TACC1: variants seen among roughly 807,000 people sequenced by gnomAD.
TACC1 encodes transforming acidic coiled-coil containing protein 1.
In TACC1, 48 loss-of-function variants were observed where a neutral mutation model predicts 84.4. The ratio of observed to expected loss-of-function variants is 0.57; its 90% confidence interval spans 0.45 to 0.72. The LOEUF (loss-of-function observed/expected upper bound fraction) is 0.72. Among genes scored for constraint, TACC1 ranks in the 30% least tolerant of loss-of-function variants. The probability of loss-of-function intolerance (pLI) is 0.00; values close to 1 mark genes in which losing one functional copy is unlikely to be tolerated. For synonymous variants in TACC1, 372 were observed against 376.3 expected (o/e 0.99, Z 0.13); for missense variants, 920 against 973.0 (o/e 0.95, Z 0.72).
chr8:38,833,980 A>G (rs529024423), intron 6 of TACC1, among the ~76,000 whole-genome samples: 29 of 152,384 alleles, frequency 1.9e-4, no homozygotes, highest in African/African-American at 6.3e-4. Context: ...CTTGATAAGA[A>G]ACAAGGCACA....
At chr8:38,829,242 A>G (rs1163478114) in intron 5 of TACC1, among the ~76,000 whole-genome samples, 1 of 152,200 alleles carries the variant, frequency 6.6e-6, no homozygotes, top group African/African-American at 2.4e-5. Context: ...AAGCAGATGG[A>G]AAGTCAGGAC....
In TACC1 at chr8:38,852,021, TG is replaced by T. The variant is rs1481955155; in HGVS notation, c.*3999del. On this transcript the variant is annotated 3_prime_UTR_variant, in exon 13 of 13. Transcript: ENST00000317827. ...CATAGAGTAACAGTAAAGAAACTGA[TG>T]TAACAGACTCTCCTCTCAAAGGATC... is the stretch of plus-strand genomic sequence containing the variant. 10 of 454,532 alleles carry T rather than the reference TG, an allele frequency of 2.2e-5. 1 individual carries two copies. The highest frequency in any genetic ancestry group is 1.6e-4 in the South Asian group (10 of 64,258). The allele number at this position is 454,532 out of a possible 1,614,324, so 28.2% of individuals were successfully genotyped here. A position where few individuals can be genotyped will look rare whatever the true frequency, so the allele number is the denominator to read the frequency against.
chr8:38,793,651 C>T (rs1186592261), intron 2 of TACC1, among the ~76,000 whole-genome samples: 1 of 151,958 alleles, frequency 6.6e-6, no homozygotes, highest in Admixed American at 6.6e-5. Flanking sequence ...CTATGTTGCC[C>T]AGGCTGATCT....
At chr8:38,795,159 C>T (rs1017570464) in intron 2 of TACC1, among the ~76,000 whole-genome samples, 22 of 152,234 alleles carry the variant, frequency 1.4e-4, no homozygotes, top group Admixed American at 1.0e-3. Flanking sequence ...CTATATGGTG[C>T]CTTACCCAAG....
intron 7 of TACC1, among the ~76,000 whole-genome samples, chr8:38,837,238 A>C (rs1830407897): frequency 1.3e-5 from 2 of 148,388 alleles, no homozygotes; most frequent in Admixed American, 1.4e-4. Flanking sequence ...AACGTGGAGA[A>C]ACCCCATCTC....
intron 2 of TACC1, chr8:38,744,233 A>G (rs1330772634): frequency 6.6e-6 from 1 of 152,222 alleles, no homozygotes; most frequent in East Asian, 1.9e-4. Flanking sequence ...CTCCCCATTC[A>G]TGACACTTCC....
rs1302818300 is a variant in TACC1, at chr8:38,827,148, T to C, written c.1453-20T>C. ...GCTTGCCCTCCTAAAGGGTAGCATC[T>C]TCTCTGTTGTGTTTCTCAGGATGAA... On this transcript the variant is annotated intron_variant, in intron 4 of 12. Transcript: ENST00000317827. 1.9e-6 allele frequency: 3 copies of C among 1,608,266 alleles called. No homozygotes were observed. In the South Asian group the frequency reaches 3.3e-5, roughly 18 times the overall value.
intron 3 of TACC1, chr8:38,823,943 T>C: frequency 7.6e-7 from 1 of 1,320,768 alleles, no homozygotes; most frequent in South Asian, 1.1e-5. Flanking sequence ...GATTTTTTTC[T>C]CCATCTGTCT....
intron 11 of TACC1, among the ~76,000 whole-genome samples, chr8:38,844,079 G>T (rs920688828): frequency 3.7e-4 from 56 of 152,130 alleles, no homozygotes; most frequent in African/African-American, 1.3e-3. Context: ...ATAGGTCAAC[G>T]TTTTTATTTT....
At chr8:38,773,614 C>G (rs1338189937) in intron 3 of TACC1, among the ~76,000 whole-genome samples, 1 of 144,338 alleles carries the variant, frequency 6.9e-6, no homozygotes, top group Non-Finnish European at 1.6e-5. Flanking sequence ...AGCTATCTAT[C>G]TAGCTATCTA....
intron 1 of TACC1, among the ~76,000 whole-genome samples, chr8:38,730,794 C>T (rs1804775044): frequency 6.6e-6 from 1 of 152,214 alleles, no homozygotes; most frequent in South Asian, 2.1e-4. Flanking sequence ...AGCAGGGTCA[C>T]GGGGCCAGGA....
At chr8:38,799,725 T>C (rs897164477) in intron 2 of TACC1, 2 of 152,222 alleles carry the variant, frequency 1.3e-5, no homozygotes, top group Non-Finnish European at 2.9e-5. Context: ...TGATGTCATT[T>C]TTTTCACCTC....
At chr8:38,836,308 T>G in intron 7 of TACC1, 21 bp downstream of exon 7, 1 of 1,600,692 alleles carries the variant, frequency 6.2e-7, no homozygotes, top group Non-Finnish European at 8.5e-7. Flanking sequence ...TCCTGTTTAG[T>G]CTGCTTATCA....
intron 3 of TACC1, among the ~76,000 whole-genome samples, chr8:38,769,772 G>C (rs936928354): frequency 5.4e-5 from 8 of 147,332 alleles, no homozygotes; most frequent in Admixed American, 2.7e-4. Flanking sequence ...ATGCGAGACT[G>C]TGTATGGGTT....
At chr8:38,754,976 A>G (rs2151765279) in intron 3 of TACC1, among the ~76,000 whole-genome samples, 1 of 152,344 alleles carries the variant, frequency 6.6e-6, no homozygotes, top group South Asian at 2.1e-4. Context: ...CCTGGCCAAC[A>G]TAGTGAAACC....
chr8:38,747,147 A>G (rs1808234845), intron 3 of TACC1, among the ~76,000 whole-genome samples: 1 of 152,238 alleles, frequency 6.6e-6, no homozygotes, highest in African/African-American at 2.4e-5. Flanking sequence ...TAAAACAACA[A>G]TGAGATACCA....
chr8:38,730,003 C>A (rs1804613903), intron 1 of TACC1, among the ~76,000 whole-genome samples: 2 of 152,234 alleles, frequency 1.3e-5, no homozygotes, highest in African/African-American at 4.8e-5. Flanking sequence ...CCACTTCCAA[C>A]AAAGTAGCTC....
intron 3 of TACC1, among the ~76,000 whole-genome samples, chr8:38,772,454 A>G (rs1223288765): frequency 6.6e-6 from 1 of 152,252 alleles, no homozygotes. Flanking sequence ...ATAATGAGGA[A>G]CAGCAAACCC....
intron 2 of TACC1, among the ~76,000 whole-genome samples, chr8:38,815,365 C>G (rs1042904188): frequency 1.3e-5 from 2 of 152,116 alleles, no homozygotes; most frequent in African/African-American, 2.4e-5. Context: ...GGCAGTGGAA[C>G]CTTTTCCTCA....
Sources: gnomAD v4.1 joint callset for allele counts (sites outside exome capture counted in the v4.1 genomes callset) on GRCh38, gnomAD v4.1.1 for gene constraint, MANE v1.5 for transcripts, NCBI Gene and HGNC (gene_info 2026-07-23, HGNC 2026-07-21) for gene names.